H2BC6: variants seen among roughly 807,000 people sequenced by gnomAD.
The protein encoded by H2BC6 is H2B clustered histone 6.
Under a neutral mutation model 6.1 loss-of-function variants are expected in H2BC6, and 8 were observed. The ratio of observed to expected loss-of-function variants is 1.31; its 90% confidence interval spans 0.77 to 2.36. H2BC6 has a LOEUF of 2.36. Among genes scored for constraint, H2BC6 ranks in the 30% most tolerant of loss-of-function variants. The probability of loss-of-function intolerance (pLI) is 0.00; values close to 1 mark genes in which losing one functional copy is unlikely to be tolerated. For synonymous variants in H2BC6, 136 were observed against 73.9 expected (o/e 1.84, Z -4.31); for missense variants, 212 against 169.9 (o/e 1.25, Z -1.38).
In H2BC6 at chr6:26,183,952, A is replaced by G. The variant is rs1764741101; in HGVS notation, c.157A>G (p.Thr53Ala). The G allele has an allele frequency of 6.2e-7, 1 of 1,614,114 alleles. No individual in the cohort carries two copies. The highest frequency in any genetic ancestry group is 1.3e-5 in the African/African-American group (1 of 74,940). ...YKVLKQVHPD[T>A]GISSKAMGIM... Reference sequence around the variant, plus strand: ...GGTGCTGAAACAGGTCCACCCCGACACCGGCATCTCCTCTAAAGCCATGGG... The same window carrying G: ...GGTGCTGAAACAGGTCCACCCCGACGCCGGCATCTCCTCTAAAGCCATGGG... Residue 53 changes from threonine to alanine, a missense_variant, in exon 1 of 1, where the codon ACC (threonine) becomes GCC (alanine). By Grantham distance (58) the Thr-to-Ala change is moderately conservative. Transcript: ENST00000614097.
At position 26,183,834 on chromosome 6, in the gene H2BC6, G is replaced by A. The variant is rs2113847301; in HGVS notation, c.39G>A (p.Lys13=). The stretch of plus-strand genomic sequence containing the variant: ...CGAAATCCGCTCCCGCCCCGAAGAA[G>A]GGCTCCAAGAAGGCCGTGACCAAGG... ...EPAKSAPAPK[K]GSKKAVTKAQ... is the part of the protein sequence containing the mutation. The change falls in exon 1 of 1, where the codon AAG becomes AAA. Residue 13 remains lysine, a synonymous_variant. Transcript: ENST00000614097. The A allele has an allele frequency of 2.5e-6, 4 of 1,614,204 alleles. No homozygotes were observed. Among genetic ancestry groups the A allele is most frequent in the South Asian group, 2.2e-5 (2 of 91,092 alleles).
In H2BC6 at chr6:26,183,954, C is replaced by G; in HGVS notation, c.159C>G (p.Thr53=). The G allele has an allele frequency of 1.9e-6, 3 of 1,614,256 alleles. No individual in the cohort carries two copies. The highest frequency in any genetic ancestry group is 2.2e-5 in the East Asian group (1 of 44,888). ...TGCTGAAACAGGTCCACCCCGACAC[C>G]GGCATCTCCTCTAAAGCCATGGGGA... ...YKVLKQVHPD[T]GISSKAMGIM... Residue 53 remains threonine, a synonymous_variant, in exon 1 of 1, where the codon ACC becomes ACG. Coordinates refer to ENST00000614097, the MANE Select transcript of H2BC6 (RefSeq NM_003523.3).
rs1353065048 is a variant in H2BC6 at position 26,183,875 on chromosome 6, G to T, written c.80G>T (p.Gly27Val). The change falls in exon 1 of 1, where the codon GGC becomes GTC. Residue 27 changes from glycine to valine, a missense_variant. Gly to Val is a moderately radical substitution (Grantham distance 109, BLOSUM62 -3). Coordinates refer to ENST00000614097, the MANE Select transcript of H2BC6 (RefSeq NM_003523.3). The part of the protein sequence containing the change: ...KAVTKAQKKD[G>V]KKRKRSRKES... ...GTGACCAAGGCGCAGAAGAAGGACG[G>T]CAAGAAGCGCAAGCGCAGCCGCAAG... 3.7e-6 allele frequency: 6 copies of T among 1,614,122 alleles called. No individual in the cohort carries two copies. In the Admixed American group the frequency reaches 5.0e-5, roughly 13 times the overall value.
In H2BC6 at chr6:26,184,005, C is replaced by T. The variant is rs746599697; in HGVS notation, c.210C>T (p.Ile70=). The T allele has an allele frequency of 4.3e-6, 7 of 1,614,286 alleles. No homozygotes were observed. Among genetic ancestry groups the T allele is most frequent in the Middle Eastern group, 1.6e-4 (1 of 6,062 alleles). ...MGIMNSFVND[I]FERIAGEASR... ...TCATGAATTCCTTTGTCAACGACATCTTCGAGCGCATCGCCGGCGAGGCTT... is the reference window on the plus strand; with the variant it reads ...TCATGAATTCCTTTGTCAACGACATTTTCGAGCGCATCGCCGGCGAGGCTT... Residue 70 remains isoleucine (I), a synonymous_variant, in exon 1 of 1, where the codon ATC becomes ATT. Coordinates refer to ENST00000614097, the MANE Select transcript of H2BC6 (RefSeq NM_003523.3).
chr6:26,183,766 C>T lies in H2BC6; in HGVS notation c.-30C>T, dbSNP rs1458197708. The T allele has an allele frequency of 1.7e-5, 27 of 1,606,386 alleles. No homozygotes were observed. The highest frequency in any genetic ancestry group is 2.7e-5 in the African/African-American group (2 of 74,282). ...GATCAGGAGATGTAGATTTCATTTTCTTTCCTAACTGCAGAACAGCAAAGA... is the reference window on the plus strand; with the variant it reads ...GATCAGGAGATGTAGATTTCATTTTTTTTCCTAACTGCAGAACAGCAAAGA... On this transcript the variant is annotated 5_prime_UTR_variant, in exon 1 of 1. Coordinates refer to ENST00000614097, the MANE Select transcript of H2BC6 (RefSeq NM_003523.3).
chr6:26,183,814 TC>T lies in H2BC6; in HGVS notation c.21del (p.Ala8LeufsTer12), dbSNP rs752665647. On this transcript the variant is annotated frameshift_variant, in exon 1 of 1. Coordinates refer to ENST00000614097, the MANE Select transcript of H2BC6 (RefSeq NM_003523.3). LOFTEE classifies it high-confidence loss of function. MPEPAK[S>X]APAPKKGSKK... Reference sequence around the variant, plus strand: ...AGATAGCATGCCTGAGCCAGCGAAATCCGCTCCCGCCCCGAAGAAGGGCTCC... The same window carrying T: ...AGATAGCATGCCTGAGCCAGCGAAATCGCTCCCGCCCCGAAGAAGGGCTCC... 2.2e-3 allele frequency: 3,481 copies of T among 1,614,088 alleles called. 4 individuals are homozygous for T. The highest frequency in any genetic ancestry group is 2.8e-3 in the Non-Finnish European group (3,308 of 1,179,976).
rs540248226 is a variant in H2BC6, at chr6:26,184,214, C to T, written c.*38C>T. 1 of 1,605,228 alleles carries T rather than the reference C, an allele frequency of 6.2e-7. No homozygotes were observed. Among genetic ancestry groups the T allele is most frequent in the Non-Finnish European group, 8.5e-7 (1 of 1,175,788 alleles). Reference sequence around the variant, plus strand: ...AACTGCCTTAGTAAACCCAAAGGCTCTTTTCAGAGCCACTCACCTTTTCAC... The same window carrying T: ...AACTGCCTTAGTAAACCCAAAGGCTTTTTTCAGAGCCACTCACCTTTTCAC... On this transcript the variant is annotated 3_prime_UTR_variant, in exon 1 of 1. Coordinates refer to ENST00000614097, the MANE Select transcript of H2BC6 (RefSeq NM_003523.3).
At position 26,183,913 on chromosome 6, in the gene H2BC6, G is replaced by A; in HGVS notation, c.118G>A (p.Val40Ile). ...RKRSRKESYSVYVYKVLKQVH... is the reference protein window; with the variant it reads ...RKRSRKESYSIYVYKVLKQVH... ...GCGCAGCCGCAAGGAGAGCTACTCC[G>A]TATACGTGTACAAGGTGCTGAAACA... The change falls in exon 1 of 1, where the codon GTA (valine) becomes ATA (isoleucine). Residue 40 changes from valine (V) to isoleucine (I), a missense_variant. Transcript: ENST00000614097. The A allele has an allele frequency of 1.9e-6, 3 of 1,614,266 alleles. No individual in the cohort carries two copies. The highest frequency in any genetic ancestry group is 2.5e-6 in the Non-Finnish European group (3 of 1,180,048).
chr6:26,183,810 G>A lies in H2BC6; in HGVS notation c.15G>A (p.Ala5=), dbSNP rs748257611. MPEP[A]KSAPAPKKGS... is the part of the protein sequence containing the mutation. The stretch of plus-strand genomic sequence containing the variant: ...GCAAAGATAGCATGCCTGAGCCAGC[G>A]AAATCCGCTCCCGCCCCGAAGAAGG... Residue 5 remains alanine (A), a synonymous_variant, in exon 1 of 1, where the codon GCG becomes GCA. Coordinates refer to ENST00000614097, the MANE Select transcript of H2BC6 (RefSeq NM_003523.3). 5.0e-6 allele frequency: 8 copies of A among 1,613,990 alleles called. No homozygotes were observed. The highest frequency in any genetic ancestry group is 1.3e-5 in the African/African-American group (1 of 74,908).
Position 26,183,981 on chromosome 6 carries a change from C to A in H2BC6, c.186C>A (p.Ile62=), listed in dbSNP as rs751848804. Residue 62 remains isoleucine, a synonymous_variant, in exon 1 of 1, where the codon ATC becomes ATA. Transcript: ENST00000614097. ...GCATCTCCTCTAAAGCCATGGGGAT[C>A]ATGAATTCCTTTGTCAACGACATCT... ...DTGISSKAMG[I]MNSFVNDIFE... 5 of 1,614,264 alleles carry A rather than the reference C, an allele frequency of 3.1e-6. No homozygotes were observed. The Admixed American group carries it at 8.3e-5, about 27-fold the overall frequency.
At position 26,183,973 on chromosome 6, in the gene H2BC6, A is replaced by G; in HGVS notation, c.178A>G (p.Met60Val). The G allele has an allele frequency of 1.9e-6, 3 of 1,614,242 alleles. No individual in the cohort carries two copies. The highest frequency in any genetic ancestry group is 1.7e-6 in the Non-Finnish European group (2 of 1,180,028). Reference sequence around the variant, plus strand: ...CGACACCGGCATCTCCTCTAAAGCCATGGGGATCATGAATTCCTTTGTCAA... The same window carrying G: ...CGACACCGGCATCTCCTCTAAAGCCGTGGGGATCATGAATTCCTTTGTCAA... ...HPDTGISSKA[M>V]GIMNSFVNDI... The change falls in exon 1 of 1, where the codon ATG becomes GTG. Residue 60 changes from methionine (M) to valine (V), a missense_variant. Met to Val is a conservative substitution (Grantham distance 21). Coordinates refer to ENST00000614097, the MANE Select transcript of H2BC6 (RefSeq NM_003523.3).
chr6:26,183,820 C>A lies in H2BC6; in HGVS notation c.25C>A (p.Pro9Thr), dbSNP rs769731925. The change falls in exon 1 of 1, where the codon CCC (proline) becomes ACC (threonine). Residue 9 changes from proline to threonine, a missense_variant. Pro to Thr is a conservative substitution (Grantham distance 38, BLOSUM62 -1). Coordinates refer to ENST00000614097, the MANE Select transcript of H2BC6 (RefSeq NM_003523.3). ...CATGCCTGAGCCAGCGAAATCCGCT[C>A]CCGCCCCGAAGAAGGGCTCCAAGAA... is the stretch of plus-strand genomic sequence containing the variant. The part of the protein sequence containing the change: MPEPAKSA[P>T]APKKGSKKAV... The A allele has an allele frequency of 1.5e-5, 24 of 1,614,114 alleles. No homozygotes were observed. The highest frequency in any genetic ancestry group is 1.9e-5 in the Non-Finnish European group (22 of 1,180,060).
At position 26,184,214 on chromosome 6, in the gene H2BC6, CTT is replaced by C. The variant is rs1491113349; in HGVS notation, c.*41_*42del. The C allele has an allele frequency of 1.2e-5, 20 of 1,605,112 alleles. No individual in the cohort carries two copies. The highest frequency in any genetic ancestry group is 1.6e-5 in the Non-Finnish European group (19 of 1,175,796). On this transcript the variant is annotated 3_prime_UTR_variant, in exon 1 of 1. Transcript: ENST00000614097. ...AACTGCCTTAGTAAACCCAAAGGCT[CTT>C]TTCAGAGCCACTCACCTTTTCACAA...
chr6:26,183,813 A>C lies in H2BC6; in HGVS notation c.18A>C (p.Lys6Asn). The C allele has an allele frequency of 6.2e-7, 1 of 1,614,094 alleles. No individual in the cohort carries two copies. Among genetic ancestry groups the C allele is most frequent in the Non-Finnish European group, 8.5e-7 (1 of 1,179,980 alleles). ...AAGATAGCATGCCTGAGCCAGCGAA[A>C]TCCGCTCCCGCCCCGAAGAAGGGCT... MPEPA[K>N]SAPAPKKGSK... Residue 6 changes from lysine to asparagine, a missense_variant, in exon 1 of 1, where the codon AAA (lysine) becomes AAC (asparagine). By Grantham distance (94) the Lys-to-Asn change is moderately conservative (BLOSUM62 0). Coordinates refer to ENST00000614097, the MANE Select transcript of H2BC6 (RefSeq NM_003523.3).
Position 26,184,043 on chromosome 6 carries a change from A to G in H2BC6, c.248A>G (p.His83Arg), listed in dbSNP as rs1277885204. The change falls in exon 1 of 1, where the codon CAT (histidine) becomes CGT (arginine). Residue 83 changes from histidine to arginine, a missense_variant. His to Arg is a conservative substitution (Grantham distance 29). Transcript: ENST00000614097. Reference sequence around the variant, plus strand: ...GCCGGCGAGGCTTCCCGCCTGGCGCATTACAACAAGCGCTCGACCATCACC... The same window carrying G: ...GCCGGCGAGGCTTCCCGCCTGGCGCGTTACAACAAGCGCTCGACCATCACC... ...RIAGEASRLA[H>R]YNKRSTITSR... 6.2e-7 allele frequency: 1 copy of G among 1,614,268 alleles called. No homozygotes were observed. The highest frequency in any genetic ancestry group is 1.7e-5 in the Admixed American group (1 of 60,036).
rs1186577233 is a variant in H2BC6 at position 26,183,962 on chromosome 6, C to T, written c.167C>T (p.Ser56Phe). The change falls in exon 1 of 1, where the codon TCC (serine) becomes TTC (phenylalanine). Residue 56 changes from serine to phenylalanine, a missense_variant. Transcript: ENST00000614097. ...LKQVHPDTGI[S>F]SKAMGIMNSF... Reference sequence around the variant, plus strand: ...CAGGTCCACCCCGACACCGGCATCTCCTCTAAAGCCATGGGGATCATGAAT... The same window carrying T: ...CAGGTCCACCCCGACACCGGCATCTTCTCTAAAGCCATGGGGATCATGAAT... 5.0e-6 allele frequency: 8 copies of T among 1,614,252 alleles called. No homozygotes were observed. The highest frequency in any genetic ancestry group is 5.1e-6 in the Non-Finnish European group (6 of 1,180,042).
At position 26,184,196 on chromosome 6, in the gene H2BC6, T is replaced by G. The variant is rs1374893001; in HGVS notation, c.*20T>G. 6.2e-7 allele frequency: 1 copy of G among 1,612,892 alleles called. No homozygotes were observed. Among genetic ancestry groups the G allele is most frequent in the African/African-American group, 1.3e-5 (1 of 74,972 alleles). ...AAGTAAACTTGTCCCTGCAACTGCCTTAGTAAACCCAAAGGCTCTTTTCAG... is the reference window on the plus strand; with the variant it reads ...AAGTAAACTTGTCCCTGCAACTGCCGTAGTAAACCCAAAGGCTCTTTTCAG... On this transcript the variant is annotated 3_prime_UTR_variant, in exon 1 of 1. Transcript: ENST00000614097.
chr6:26,183,791 A>G lies in H2BC6; in HGVS notation c.-5A>G. The G allele has an allele frequency of 6.2e-7, 1 of 1,613,996 alleles. No individual in the cohort carries two copies. Among genetic ancestry groups the G allele is most frequent in the Non-Finnish European group, 8.5e-7 (1 of 1,179,968 alleles). On this transcript the variant is annotated 5_prime_UTR_variant, in exon 1 of 1. Coordinates refer to ENST00000614097, the MANE Select transcript of H2BC6 (RefSeq NM_003523.3). Reference sequence around the variant, plus strand: ...CTTTCCTAACTGCAGAACAGCAAAGATAGCATGCCTGAGCCAGCGAAATCC... The same window carrying G: ...CTTTCCTAACTGCAGAACAGCAAAGGTAGCATGCCTGAGCCAGCGAAATCC...
rs989946207 is a variant in H2BC6, at chr6:26,183,909, C to T, written c.114C>T (p.Tyr38=). ...GCAAGCGCAGCCGCAAGGAGAGCTA[C>T]TCCGTATACGTGTACAAGGTGCTGA... is the stretch of plus-strand genomic sequence containing the variant. ...KKRKRSRKES[Y]SVYVYKVLKQ... Residue 38 remains tyrosine (Y), a synonymous_variant, in exon 1 of 1, where the codon TAC becomes TAT. Transcript: ENST00000614097. 10 of 1,614,148 alleles carry T rather than the reference C, an allele frequency of 6.2e-6. No individual in the cohort carries two copies. In the African/African-American group the frequency reaches 9.3e-5, roughly 15 times the overall value.
Sources: gnomAD v4.1 joint callset for allele counts on GRCh38, gnomAD v4.1.1 for gene constraint, MANE v1.5 for transcripts, NCBI Gene and HGNC (gene_info 2026-07-23, HGNC 2026-07-21) for gene names.